Variants in PLXNA4 observed in about 807,000 individuals in gnomAD.
PLXNA4 encodes the protein plexin-A4.
A neutral mutation model predicts 191.8 loss-of-function variants in PLXNA4; 44 were observed. That is an observed-to-expected ratio of 0.23 (90% CI 0.18 to 0.29). PLXNA4 has a LOEUF of 0.29. Ranked by LOEUF, PLXNA4 falls within the 10% of genes least tolerant of loss-of-function variation. The pLI is 1.00. For missense variants in PLXNA4, 1,800 were observed against 2,488.8 expected (o/e 0.72, Z 5.89); for synonymous variants, 1,082 against 1,009.5 (o/e 1.07, Z -1.36).
At chr7:132,525,863 T>C (rs145288656) in intron 1 of PLXNA4, among the ~76,000 whole-genome samples, 61 of 152,296 alleles carry the variant, frequency 4.0e-4, no homozygotes, top group African/African-American at 1.4e-3. Flanking sequence ...GTCAGCTCAC[T>C]AAAAGTCCTC....
At position 132,481,612 on chromosome 7, in the gene PLXNA4, A is replaced by C. The variant is rs535190906; in HGVS notation, c.1371+7680T>G. ...GGTGCCTACACGGTGTTCAAAGCTC[A>C]GTAGTTCCCTCTGCACCACCTCTTT... is the stretch of plus-strand genomic sequence containing the variant. On this transcript the variant is annotated intron_variant, in intron 3 of 31. Coordinates refer to ENST00000321063, the MANE Select transcript of PLXNA4 (RefSeq NM_020911.2). Among the ~76,000 whole-genome samples, 4 of 152,294 alleles carry C rather than the reference A, an allele frequency of 2.6e-5. No homozygotes were observed. In the South Asian group the frequency reaches 6.2e-4, roughly 24 times the overall value.
intron 14 of PLXNA4, among the ~76,000 whole-genome samples, chr7:132,191,902 T>A (rs1351788802): frequency 6.6e-6 from 1 of 152,110 alleles, no homozygotes; most frequent in Non-Finnish European, 1.5e-5. Context: ...TCATTAGTTG[T>A]CTTAATGTCT....
At chr7:132,141,159 ACT>A (rs1171214571) in intron 29 of PLXNA4, among the ~76,000 whole-genome samples, 1 of 151,778 alleles carries the variant, frequency 6.6e-6, no homozygotes, top group South Asian at 2.1e-4. Context: ...GGAATTTCTA[ACT>A]CTCTGTCTGT....
chr7:132,144,116 C>T lies in PLXNA4; in HGVS notation c.5225+1003G>A, dbSNP rs189217768. Among the ~76,000 whole-genome samples, 7 of 152,218 alleles carry T rather than the reference C, an allele frequency of 4.6e-5. No homozygotes were observed. In the East Asian group the frequency reaches 9.7e-4, roughly 21 times the overall value. ...TTGCCCATCCTAGCAGTTGTTGGTG[C>T]GGGCAACAGGCCCACACTGCCTCAG... On this transcript the variant is annotated intron_variant, in intron 29 of 31. Coordinates refer to ENST00000321063, the MANE Select transcript of PLXNA4 (RefSeq NM_020911.2).
intron 24 of PLXNA4, among the ~76,000 whole-genome samples, chr7:132,163,012 C>T (rs1048440035): frequency 6.6e-6 from 1 of 152,184 alleles, no homozygotes; most frequent in South Asian, 2.1e-4. Context: ...CTCCCTCTCC[C>T]GACCGCTGCG....
rs1459777305 is a variant in PLXNA4 at position 132,203,375 on chromosome 7, C to T, written c.2343G>A (p.Leu781=). Residue 781 remains leucine (L), a synonymous_variant, in exon 11 of 32, where the codon TTG becomes TTA. Coordinates refer to ENST00000321063, the MANE Select transcript of PLXNA4 (RefSeq NM_020911.2). ...TGAAGTGCCCATTCCACACGACTGT[C>T]AACTCCACGGGCAGGTTGTTGATCT... ...GMEINNLPVE[L]TVVWNGHFNI... The T allele has an allele frequency of 6.2e-7, 1 of 1,614,150 alleles. No individual in the cohort carries two copies. The highest frequency in any genetic ancestry group is 1.7e-5 in the Admixed American group (1 of 60,030).
chr7:132,414,423 G>A (rs1794580698), intron 3 of PLXNA4, among the ~76,000 whole-genome samples: 1 of 152,080 alleles, frequency 6.6e-6, no homozygotes. Context: ...GACTTCCGGA[G>A]GGGAAAATAT....
intron 2 of PLXNA4, among the ~76,000 whole-genome samples, chr7:132,621,205 GCTGGTCATTTAGGTGATTTT>G (rs1803253930): frequency 6.7e-6 from 1 of 149,996 alleles, no homozygotes; most frequent in Admixed American, 6.6e-5. Flanking sequence ...GTCCCTAACT[GCTGGTCATTTAGGTGATTTT>G]TAATCTCTTG....
Position 132,566,452 on chromosome 7 carries a change from C to T in PLXNA4, c.-87+9970G>A, listed in dbSNP as rs545289417. Among the ~76,000 whole-genome samples, 13 of 152,304 alleles carry T rather than the reference C, an allele frequency of 8.5e-5. 1 individual carries two copies. In the South Asian group the frequency reaches 2.7e-3, roughly 32 times the overall value. Reference sequence around the variant, plus strand: ...TACAGTCTAATTAGAAATCCTCAGCCTTTTCTTGGATGGCAAAGTTTTCTC... The same window carrying T: ...TACAGTCTAATTAGAAATCCTCAGCTTTTTCTTGGATGGCAAAGTTTTCTC... On this transcript the variant is annotated intron_variant, in intron 1 of 31. Transcript: ENST00000321063.
At chr7:132,340,573 AAG>A (rs1323844646) in intron 3 of PLXNA4, among the ~76,000 whole-genome samples, 2 of 152,238 alleles carry the variant, frequency 1.3e-5, no homozygotes, top group Non-Finnish European at 2.9e-5. Flanking sequence ...AGAAGCAGAA[AAG>A]AGGGGCATAA....
chr7:132,174,150 C>G (rs1211319930), intron 21 of PLXNA4, among the ~76,000 whole-genome samples: 4 of 152,144 alleles, frequency 2.6e-5, no homozygotes, highest in Non-Finnish European at 5.9e-5. Flanking sequence ...ATATTTTTCA[C>G]TTTTCTCTGG....
intron 5 of PLXNA4, among the ~76,000 whole-genome samples, chr7:132,239,025 T>C (rs1798794348): frequency 6.6e-6 from 1 of 152,220 alleles, no homozygotes; most frequent in Non-Finnish European, 1.5e-5. Context: ...GAGTCTGCAC[T>C]TGGGGGCAGG....
intron 10 of PLXNA4, 58 bp from the exon 11 acceptor site, chr7:132,203,477 AG>A: frequency 6.8e-7 from 1 of 1,479,746 alleles, no homozygotes; most frequent in South Asian, 1.1e-5. Context: ...AGTTCTAGAG[AG>A]GGCCCAAATG....
chr7:132,560,468 T>C (rs950097192), intron 1 of PLXNA4, among the ~76,000 whole-genome samples: 2 of 152,168 alleles, frequency 1.3e-5, no homozygotes, highest in African/African-American at 4.8e-5. Flanking sequence ...AATCTCTAGG[T>C]GGATCTTCTT....
chr7:132,341,657 C>T (rs1251139518), intron 3 of PLXNA4, among the ~76,000 whole-genome samples: 7 of 152,150 alleles, frequency 4.6e-5, no homozygotes, highest in Non-Finnish European at 8.8e-5. Flanking sequence ...TTGGCCCCAG[C>T]CCCCCTAGCC....
intron 2 of PLXNA4, among the ~76,000 whole-genome samples, chr7:132,606,856 T>C (rs1802935088): frequency 6.6e-6 from 1 of 152,186 alleles, no homozygotes; most frequent in Admixed American, 6.5e-5. Flanking sequence ...TTCTCTGCCT[T>C]CAACTTCAGT....
In PLXNA4 at chr7:132,638,176, A is replaced by G. The variant is rs534041400; in HGVS notation, c.-87+7752T>C. 2.0e-5 allele frequency among the ~76,000 whole-genome samples: 3 copies of G among 152,308 alleles called. No homozygotes were observed. The East Asian group carries it at 5.8e-4, about 29-fold the overall frequency. On this transcript the variant is annotated intron_variant, in intron 2 of 4. Transcript: ENST00000378539. Reference sequence around the variant, plus strand: ...CTACACAGCTGTGTGTGCAAGAGAGACTGTGGTTTGGTTTCCCCATATCTG... The same window carrying G: ...CTACACAGCTGTGTGTGCAAGAGAGGCTGTGGTTTGGTTTCCCCATATCTG...
In PLXNA4 at chr7:132,507,524, G is replaced by A. The variant is rs1158494854; in HGVS notation, c.1170C>T (p.Asp390=). 1 of 1,612,368 alleles carries A rather than the reference G, an allele frequency of 6.2e-7. No homozygotes were observed. The highest frequency in any genetic ancestry group is 8.5e-7 in the Non-Finnish European group (1 of 1,179,362). ...TLDLAWLKVK[D]IPCSSALLTI... Reference sequence around the variant, plus strand: ...TACTCACCGCACTGCTGCAGGGGATGTCCTTCACCTTGAGCCAGGCCAGGT... The same window carrying A: ...TACTCACCGCACTGCTGCAGGGGATATCCTTCACCTTGAGCCAGGCCAGGT... The change falls in exon 2 of 32, where the codon GAC becomes GAT. Residue 390 remains aspartate, a synonymous_variant. Coordinates refer to ENST00000321063, the MANE Select transcript of PLXNA4 (RefSeq NM_020911.2).
At chr7:132,556,189 C>A (rs1800793370) in intron 1 of PLXNA4, among the ~76,000 whole-genome samples, 2 of 152,230 alleles carry the variant, frequency 1.3e-5, no homozygotes, top group Non-Finnish European at 2.9e-5. Flanking sequence ...TTTCTCACTT[C>A]CTGACACTTG....
Sources: allele counts gnomAD v4.1 joint callset (sites outside exome capture counted in the v4.1 genomes callset), GRCh38; gene constraint gnomAD v4.1.1; transcripts MANE v1.5; gene names NCBI Gene and HGNC (gene_info 2026-07-23, HGNC 2026-07-21).